AKAP6: variants seen among roughly 807,000 people sequenced by gnomAD.
AKAP6 encodes the protein A-kinase anchoring protein 6, also known as A-kinase anchor protein 6.
In AKAP6, 58 loss-of-function variants were observed where a neutral mutation model predicts 188.5. The observed-to-expected ratio is 0.31, with a 90% CI of 0.25 to 0.38. The LOEUF is 0.38. Among genes scored for constraint, AKAP6 ranks in the 10% least tolerant of loss-of-function variants. AKAP6 has a pLI of 1.00. For synonymous variants in AKAP6, 989 were observed against 998.6 expected (o/e 0.99, Z 0.18); for missense variants, 2,710 against 2,740.0 (o/e 0.99, Z 0.24).
chr14:32,804,495 A>AT (rs2034037338), intron 12 of AKAP6, among the ~76,000 whole-genome samples: 1 of 152,192 alleles, frequency 6.6e-6, no homozygotes, highest in Non-Finnish European at 1.5e-5. Flanking sequence ...CAAAGATCAC[A>AT]TGCTTCAAAG....
At chr14:32,565,729 G>A (rs1220103430) in intron 4 of AKAP6, among the ~76,000 whole-genome samples, 1 of 152,214 alleles carries the variant, frequency 6.6e-6, no homozygotes, top group Non-Finnish European at 1.5e-5. Context: ...CTGTGGCCTA[G>A]CTCCTGGCCA....
At chr14:32,461,352 C>T (rs916543892) in intron 2 of AKAP6, among the ~76,000 whole-genome samples, 2 of 152,170 alleles carry the variant, frequency 1.3e-5, no homozygotes, top group African/African-American at 2.4e-5. Flanking sequence ...GCCAGTGCCC[C>T]TCTGGGACGA....
intron 11 of AKAP6, among the ~76,000 whole-genome samples, chr14:32,753,003 A>T (rs947017486): frequency 6.6e-6 from 1 of 152,210 alleles, no homozygotes; most frequent in African/African-American, 2.4e-5. Flanking sequence ...GAATAATGCA[A>T]TGAAAATGGT....
chr14:32,475,072 T>A (rs1279287540), intron 2 of AKAP6, among the ~76,000 whole-genome samples: 1 of 152,190 alleles, frequency 6.6e-6, no homozygotes, highest in Non-Finnish European at 1.5e-5. Flanking sequence ...GGAATGTACA[T>A]CTCAGTGTAG....
Position 32,823,066 on chromosome 14 carries a change from T to C in AKAP6, c.5253T>C (p.Asp1751=). ...SCTSACTDDE[D]DSDLLSSSTL... Reference sequence around the variant, plus strand: ...CCTCTGCTTGCACTGATGATGAAGATGACAGCGACCTGCTCTCCAGCTCTA... The same window carrying C: ...CCTCTGCTTGCACTGATGATGAAGACGACAGCGACCTGCTCTCCAGCTCTA... Residue 1751 remains aspartate, a synonymous_variant, in exon 13 of 14, where the codon GAT becomes GAC. Coordinates refer to ENST00000280979, the MANE Select transcript of AKAP6 (RefSeq NM_004274.5). The C allele has an allele frequency of 6.2e-7, 1 of 1,613,826 alleles. No homozygotes were observed. Among genetic ancestry groups the C allele is most frequent in the Non-Finnish European group, 8.5e-7 (1 of 1,179,890 alleles).
intron 2 of AKAP6, chr14:32,474,473 G>C (rs966400358): frequency 3.3e-5 from 5 of 151,938 alleles, no homozygotes; most frequent in Admixed American, 3.3e-4. Flanking sequence ...TTCAACATCT[G>C]TATACAAGCA....
chr14:32,803,643 G>T (rs186799726), intron 12 of AKAP6, among the ~76,000 whole-genome samples: 2 of 151,950 alleles, frequency 1.3e-5, no homozygotes, highest in African/African-American at 4.8e-5. Flanking sequence ...CATTTTCTCT[G>T]TTTATCTTTC....
At position 32,695,968 on chromosome 14, in the gene AKAP6, A is replaced by G. The variant is rs769935899; in HGVS notation, c.2880-22A>G. 11 of 1,609,368 alleles carry G rather than the reference A, an allele frequency of 6.8e-6. No homozygotes were observed. The Admixed American group carries it at 1.9e-4, about 27-fold the overall frequency. On this transcript the variant is annotated intron_variant, in intron 8 of 13. Transcript: ENST00000280979. Reference sequence around the variant, plus strand: ...CAACTACACTGTATTTATGCATACTACATTTTGCGCCTTATCTTCAGGCTT... The same window carrying G: ...CAACTACACTGTATTTATGCATACTGCATTTTGCGCCTTATCTTCAGGCTT...
rs373020055 is a variant in AKAP6, at chr14:32,797,394, A to G, written c.3588+23501A>G. 4.1e-4 allele frequency among the ~76,000 whole-genome samples: 62 copies of G among 152,324 alleles called. 1 individual carries two copies. In the East Asian group the frequency reaches 0.011, roughly 27 times the overall value. On this transcript the variant is annotated intron_variant, in intron 12 of 13. Coordinates refer to ENST00000280979, the MANE Select transcript of AKAP6 (RefSeq NM_004274.5). ...CTATCAGTGATAGACTAGATAAAGA[A>G]TATGTGGTAGATATATACCATGGAA...
chr14:32,346,634 G>A (rs1175635412), intron 1 of AKAP6, among the ~76,000 whole-genome samples: 5 of 152,096 alleles, frequency 3.3e-5, no homozygotes, highest in East Asian at 1.9e-4. Flanking sequence ...TCAGCCTCCC[G>A]AGTAGCTGGG....
chr14:32,583,167 G>A (rs1403547042), intron 5 of AKAP6, among the ~76,000 whole-genome samples: 2 of 152,122 alleles, frequency 1.3e-5, no homozygotes, highest in Admixed American at 1.3e-4. Context: ...ATGGGTTTTT[G>A]GTGTAGGTGT....
intron 7 of AKAP6, among the ~76,000 whole-genome samples, chr14:32,609,223 G>A (rs1021692663): frequency 1.3e-5 from 2 of 152,128 alleles, no homozygotes; most frequent in Non-Finnish European, 2.9e-5. Flanking sequence ...CACACCCAGA[G>A]TACCTCTCCC....
intron 1 of AKAP6, among the ~76,000 whole-genome samples, chr14:32,350,309 T>A (rs1887222535): frequency 6.6e-6 from 1 of 152,204 alleles, no homozygotes; most frequent in Admixed American, 6.5e-5. Context: ...GAGTACTACT[T>A]CACCTCCATG....
chr14:32,488,843 A>G (rs1446244711), intron 2 of AKAP6, among the ~76,000 whole-genome samples: 1 of 152,096 alleles, frequency 6.6e-6, no homozygotes, highest in Non-Finnish European at 1.5e-5. Context: ...GGCTACACCC[A>G]CTGTCTAACC....
At chr14:32,510,451 C>CATATATATATGTATAT (rs33924445) in intron 2 of AKAP6, among the ~76,000 whole-genome samples, 3 of 35,826 alleles carry the variant, frequency 8.4e-5, no homozygotes, top group Non-Finnish European at 1.2e-4. Flanking sequence ...TATATATATA[C>CATATATATATGTATAT]ATATATATGT....
intron 11 of AKAP6, among the ~76,000 whole-genome samples, chr14:32,737,589 C>T (rs1425144731): frequency 6.6e-6 from 1 of 152,068 alleles, no homozygotes; most frequent in African/African-American, 2.4e-5. Flanking sequence ...AACCTTTTTA[C>T]ATATGGGAAA....
chr14:32,452,287 G>A (rs1890968417), intron 2 of AKAP6, among the ~76,000 whole-genome samples: 1 of 152,038 alleles, frequency 6.6e-6, no homozygotes, highest in Non-Finnish European at 1.5e-5. Context: ...GCCGACCTTG[G>A]CCTCCTAAAG....
At chr14:32,615,591 CTTTTTTTTTT>C (rs779867395) in intron 7 of AKAP6, among the ~76,000 whole-genome samples, 1 of 115,306 alleles carries the variant, frequency 8.7e-6, no homozygotes, top group African/African-American at 3.8e-5. Flanking sequence ...TAAACCATTA[CTTTTTTTTTT>C]TTTTTTTTTT....
At chr14:32,810,597 T>C (rs1390211930) in intron 12 of AKAP6, among the ~76,000 whole-genome samples, 1 of 152,160 alleles carries the variant, frequency 6.6e-6, no homozygotes, top group Non-Finnish European at 1.5e-5. Flanking sequence ...ACTTCAAAAA[T>C]GTGTATTGCC....
Sources: allele counts gnomAD v4.1 joint callset (sites outside exome capture counted in the v4.1 genomes callset), GRCh38; gene constraint gnomAD v4.1.1; transcripts MANE v1.5; gene names NCBI Gene and HGNC (gene_info 2026-07-23, HGNC 2026-07-21).